CCDC121: variants seen among roughly 807,000 people sequenced by gnomAD.
CCDC121 encodes the protein coiled-coil domain containing 121.
For synonymous variants in CCDC121, 108 were observed against 120.0 expected (o/e 0.90, Z 0.65); for missense variants, 238 against 304.1 (o/e 0.78, Z 1.62).
intron 1 of CCDC121, 186 bp from the exon 2 acceptor site, chr2:27,628,103 T>C: frequency 1.6e-6 from 1 of 626,784 alleles, no homozygotes; most frequent in Non-Finnish European, 2.8e-6. Flanking sequence ...ACAACGTGCA[T>C]TCACTACAAC....
Position 27,627,291 on chromosome 2 carries a change from C to A in CCDC121, c.509G>T (p.Arg170Ile), listed in dbSNP as rs1319445441. The change falls in exon 2 of 2, where the codon AGA becomes ATA. Residue 170 changes from arginine to isoleucine, a missense_variant. Transcript: ENST00000324364. ...CTGGGCCTTCATATTAAGCTCTCTT[C>A]TTTTTCTCTTTCCCAGTAGCCTCCT... ...PDRRLLGKRKRRELNMKAQAL... is the reference protein window; with the variant it reads ...PDRRLLGKRKIRELNMKAQAL... 1.2e-6 allele frequency: 2 copies of A among 1,614,024 alleles called. No homozygotes were observed. Among genetic ancestry groups the A allele is most frequent in the South Asian group, 2.2e-5 (2 of 91,074 alleles).
At chr2:27,628,175 T>C (rs1421857627) in intron 1 of CCDC121, 1 of 627,952 alleles carries the variant, frequency 1.6e-6, no homozygotes, top group Non-Finnish European at 2.7e-6. Flanking sequence ...TTTAAGTGAC[T>C]TGCCCATGAC....
In CCDC121 at chr2:27,625,974, AAATAT is replaced by A. The variant is rs1673269841; in HGVS notation, c.*984_*988del. On this transcript the variant is annotated 3_prime_UTR_variant, in exon 2 of 2. Transcript: ENST00000324364. ...ACTTCAATGTCGTAGAACCCAAAAA[AAATAT>A]AACTATCCTAAAAATATATAATTTA... The A allele has an allele frequency of 6.6e-6, 1 of 151,876 alleles. No individual in the cohort carries two copies. Among genetic ancestry groups the A allele is most frequent in the Non-Finnish European group, 1.5e-5 (1 of 67,958 alleles). The allele number at this position is 151,876 out of a possible 1,614,324, so 9.4% of individuals were successfully genotyped here.
At chr2:27,628,887 T>G in intron 1 of CCDC121, 63 bp downstream of exon 1, 1 of 1,469,782 alleles carries the variant, frequency 6.8e-7, no homozygotes, top group South Asian at 1.4e-5. Flanking sequence ...CCACTGTCAC[T>G]AGTTGACTCA....
rs1377468835 is a variant in CCDC121 at position 27,627,839 on chromosome 2, T to G, written c.-40A>C. ...TTTCTTTAAGCCTTGTCTCTACCTT[T>G]GTTAGCTTCTCTGGCTTGACAAAAT... On this transcript the variant is annotated 5_prime_UTR_variant, in exon 2 of 2. Transcript: ENST00000324364. 1 of 1,614,206 alleles carries G rather than the reference T, an allele frequency of 6.2e-7. No homozygotes were observed.
At position 27,627,069 on chromosome 2, in the gene CCDC121, C is replaced by T. The variant is rs1382187713; in HGVS notation, c.731G>A (p.Arg244Lys). The T allele has an allele frequency of 1.2e-6, 2 of 1,614,158 alleles. No homozygotes were observed. The highest frequency in any genetic ancestry group is 2.2e-5 in the East Asian group (1 of 44,882). ...QWYLESLIQA[R>K]QRLQGSHNQC... ...ATTATGACTTCCTTGCAGTCTCTGCCTCGCCTGGATTAAGGACTCCAGATA... is the reference window on the plus strand; with the variant it reads ...ATTATGACTTCCTTGCAGTCTCTGCTTCGCCTGGATTAAGGACTCCAGATA... Residue 244 changes from arginine to lysine, a missense_variant, in exon 2 of 2, where the codon AGG (arginine) becomes AAG (lysine). Physicochemically the swap from Arg to Lys is conservative, Grantham distance 26 (BLOSUM62 2). Coordinates refer to ENST00000324364, the MANE Select transcript of CCDC121 (RefSeq NM_024584.5).
Position 27,627,242 on chromosome 2 carries a change from C to T in CCDC121, c.558G>A (p.Arg186=), listed in dbSNP as rs141004582. The T allele has an allele frequency of 3.5e-4, 557 of 1,613,890 alleles. No homozygotes were observed. Among genetic ancestry groups the T allele is most frequent in the Non-Finnish European group, 4.5e-4 (535 of 1,179,892 alleles). The change falls in exon 2 of 2, where the codon CGG becomes CGA. Residue 186 remains arginine (R), a synonymous_variant. Transcript: ENST00000324364. ...TGCCACAGGAGTATTCAAAAATAAA[C>T]CGCTTTGCTGCCAACTTCAAGGCCT... ...KAQALKLAAK[R]FIFEYSCGIN... is the part of the protein sequence containing the mutation.
chr2:27,628,381 AG>A lies in CCDC121; in HGVS notation c.-118-465del, dbSNP rs753734411. On this transcript the variant is annotated intron_variant, in intron 1 of 1. Coordinates refer to ENST00000324364, the MANE Select transcript of CCDC121 (RefSeq NM_024584.5). ...ACTGGAGGGGAGGAAGCTCCCCTCCAGTACCTACTTGCACCTGGAATCCAAG... is the reference window on the plus strand; with the variant it reads ...ACTGGAGGGGAGGAAGCTCCCCTCCATACCTACTTGCACCTGGAATCCAAG... 319 of 1,549,610 alleles carry A rather than the reference AG, an allele frequency of 2.1e-4. 3 individuals are homozygous for A. In the South Asian group the frequency reaches 2.8e-3, roughly 13 times the overall value.
Position 27,627,897 on chromosome 2 carries a change from C to T in CCDC121, c.-98G>A, listed in dbSNP as rs1673344841. 2 of 1,613,208 alleles carry T rather than the reference C, an allele frequency of 1.2e-6. No homozygotes were observed. The highest frequency in any genetic ancestry group is 1.7e-6 in the Non-Finnish European group (2 of 1,179,486). On this transcript the variant is annotated 5_prime_UTR_variant, in exon 2 of 2. Transcript: ENST00000324364. ...TAGACTATGATACGGTGGAAGGAGC[C>T]TTCTGGGGCCCTCAGCAAACCTGAA...
chr2:27,628,158 C>G (rs1210155165), intron 1 of CCDC121: 3 of 625,184 alleles, frequency 4.8e-6, no homozygotes, highest in African/African-American at 3.7e-5. Flanking sequence ...AAAACAGGTT[C>G]AGAGAGTTTA....
intron 1 of CCDC121, chr2:27,628,699 G>C: frequency 6.4e-7 from 1 of 1,551,706 alleles, no homozygotes; most frequent in Middle Eastern, 1.7e-4. Flanking sequence ...CGTTCTCTGT[G>C]GGCTCAAAAT....
In CCDC121 at chr2:27,628,909, C is replaced by T. The variant is rs184534825; in HGVS notation, c.-119+41G>A. 3.9e-4 allele frequency: 585 copies of T among 1,482,208 alleles called. 1 individual carries two copies. The highest frequency in any genetic ancestry group is 5.7e-4 in the Admixed American group (23 of 40,184). The allele number at this position is 1,482,208 out of a possible 1,614,324, so 91.8% of individuals were successfully genotyped here. On this transcript the variant is annotated intron_variant, in intron 1 of 1. Coordinates refer to ENST00000324364, the MANE Select transcript of CCDC121 (RefSeq NM_024584.5). ...CACTAGTTGACTCATCAGCCCTGCC[C>T]GACGCTAAGAAGATGCCCTGGCAAC...
chr2:27,626,770 AGCT>A lies in CCDC121; in HGVS notation c.*190_*192del. On this transcript the variant is annotated 3_prime_UTR_variant, in exon 2 of 2. Transcript: ENST00000324364. ...CTTATTAACGAGTATTTAAAGAAAA[AGCT>A]AGTTAAGGGAAGCTGGTTACCAAAT... The A allele has an allele frequency of 2.0e-6, 1 of 501,194 alleles. No individual in the cohort carries two copies. Among genetic ancestry groups the A allele is most frequent in the Non-Finnish European group, 3.5e-6 (1 of 282,230 alleles). 31.0% of individuals were successfully genotyped at this position (501,194 alleles called of 1,614,324 possible). A position where few individuals can be genotyped will look rare whatever the true frequency, so the allele number is the denominator to read the frequency against.
chr2:27,628,641 G>C (rs1673388490), intron 1 of CCDC121: 2 of 1,551,356 alleles, frequency 1.3e-6, no homozygotes, highest in African/African-American at 1.4e-5. Context: ...TAACCGCCTC[G>C]GCTACCGAAT....
At position 27,627,639 on chromosome 2, in the gene CCDC121, G is replaced by C; in HGVS notation, c.161C>G (p.Pro54Arg). Residue 54 changes from proline (P) to arginine (R), a missense_variant, in exon 2 of 2, where the codon CCT becomes CGT. Transcript: ENST00000324364. ...TAAATAGCTGTTCCATACCTTCTCA[G>C]GTTGCTCTGTGTACTCTTCAGTTTT... ...TNKTEEYTEQPEKVWNSYLQK... is the reference protein window; with the variant it reads ...TNKTEEYTEQREKVWNSYLQK... 6.2e-7 allele frequency: 1 copy of C among 1,613,526 alleles called. No homozygotes were observed. The highest frequency in any genetic ancestry group is 2.2e-5 in the East Asian group (1 of 44,848).
Position 27,627,362 on chromosome 2 carries a change from G to C in CCDC121, c.438C>G (p.Leu146=), listed in dbSNP as rs367718964. 8 of 1,613,988 alleles carry C rather than the reference G, an allele frequency of 5.0e-6. No homozygotes were observed. In the East Asian group the frequency reaches 1.8e-4, roughly 36 times the overall value. ...TCTCCAGTAATCTTTTCTCCTGGAGGAGCTGGGCCTGTACTTCCCGTGTCT... is the reference window on the plus strand; with the variant it reads ...TCTCCAGTAATCTTTTCTCCTGGAGCAGCTGGGCCTGTACTTCCCGTGTCT... ...ASKTREVQAQ[L]LQEKRLLEKQ... The change falls in exon 2 of 2, where the codon CTC becomes CTG. Residue 146 remains leucine, a synonymous_variant. Coordinates refer to ENST00000324364, the MANE Select transcript of CCDC121 (RefSeq NM_024584.5).
Position 27,627,701 on chromosome 2 carries a change from C to T in CCDC121, c.99G>A (p.Gln33=). 6.2e-7 allele frequency: 1 copy of T among 1,613,784 alleles called. No homozygotes were observed. Among genetic ancestry groups the T allele is most frequent in the South Asian group, 1.1e-5 (1 of 91,054 alleles). ...ATTCCAGAAAGAATCTGTTTTCAGC[C>T]TGGACAAGTAACTTTTCTCGGTGTA... The part of the protein sequence containing the change: ...RELHREKLLV[Q]AENRFFLEYL... The change falls in exon 2 of 2, where the codon CAG becomes CAA. Residue 33 remains glutamine (Q), a synonymous_variant. Transcript: ENST00000324364.
Position 27,626,977 on chromosome 2 carries a change from T to C in CCDC121, c.823A>G (p.Ile275Val). The change falls in exon 2 of 2, where the codon ATT becomes GTT. Residue 275 changes from isoleucine to valine, a missense_variant. Coordinates refer to ENST00000324364, the MANE Select transcript of CCDC121 (RefSeq NM_024584.5). ...TATTTTAGAAGTTACTTTGGATTAA[T>C]CCTTGATTTGGTGCCTTGGGGAAGA... ...PSLPQGTKSR[I>V]NPK The C allele has an allele frequency of 6.2e-7, 1 of 1,604,182 alleles. No individual in the cohort carries two copies. Among genetic ancestry groups the C allele is most frequent in the Non-Finnish European group, 8.5e-7 (1 of 1,174,592 alleles).
Position 27,627,402 on chromosome 2 carries a change from G to C in CCDC121, c.398C>G (p.Ala133Gly). 1 of 1,614,160 alleles carries C rather than the reference G, an allele frequency of 6.2e-7. No homozygotes were observed. The highest frequency in any genetic ancestry group is 2.2e-5 in the East Asian group (1 of 44,878). Reference sequence around the variant, plus strand: ...TTCCCGTGTCTTTGAAGCTGTCTCAGCTTGGACTTTCTTTGTCTCCTCCTG... The same window carrying C: ...TTCCCGTGTCTTTGAAGCTGTCTCACCTTGGACTTTCTTTGTCTCCTCCTG... ...TLQEETKKVQ[A>G]ETASKTREVQ... Residue 133 changes from alanine to glycine, a missense_variant, in exon 2 of 2, where the codon GCT becomes GGT. Physicochemically the swap from Ala to Gly is moderately conservative, Grantham distance 60. Transcript: ENST00000324364.
Sources: gnomAD v4.1 joint callset for allele counts on GRCh38, gnomAD v4.1.1 for gene constraint, MANE v1.5 for transcripts, NCBI Gene and HGNC (gene_info 2026-07-23, HGNC 2026-07-21) for gene names.